Variants in EIF3G observed in about 807,000 individuals in gnomAD.
The protein encoded by EIF3G is eukaryotic translation initiation factor 3 subunit G.
In EIF3G, 10 loss-of-function variants were observed where a neutral mutation model predicts 41.7. That is an observed-to-expected ratio of 0.24 (90% CI 0.15 to 0.41). The LOEUF (loss-of-function observed/expected upper bound fraction) is 0.41. Ranked by LOEUF, EIF3G falls within the 10% of genes least tolerant of loss-of-function variation. EIF3G has a pLI of 1.00. For synonymous variants in EIF3G, 204 were observed against 172.5 expected, an observed-to-expected ratio of 1.18 and a Z score of -1.43; for missense variants, 297 against 444.0, an observed-to-expected ratio of 0.67 and a Z score of 2.98.
rs1314103619 is a variant in EIF3G, at chr19:10,118,825, C to T, written c.240+43G>A. On this transcript the variant is annotated intron_variant, in intron 4 of 10. Coordinates refer to ENST00000253108, the MANE Select transcript of EIF3G (RefSeq NM_003755.5). ...CCCACCCCATTCCGGTCTATGGGCCCCCAAGCACAAGGGTCCCCACTCCCT... is the reference window on the plus strand; with the variant it reads ...CCCACCCCATTCCGGTCTATGGGCCTCCAAGCACAAGGGTCCCCACTCCCT... 10 of 1,608,686 alleles carry T rather than the reference C, an allele frequency of 6.2e-6. No homozygotes were observed. In the African/African-American group the frequency reaches 1.3e-4, roughly 22 times the overall value.
Position 10,115,779 on chromosome 19 carries a change from C to G in EIF3G, c.745G>C (p.Asp249His). Residue 249 changes from aspartate (D) to histidine (H), a missense_variant, in exon 9 of 11, where the codon GAC (aspartate) becomes CAC (histidine). Around this residue, in one of 4 missense-constraint regions of EIF3G, gnomAD observed 91 missense variants for 170.5 expected, o/e 0.53. Coordinates refer to ENST00000253108, the MANE Select transcript of EIF3G (RefSeq NM_003755.5). ...TCCTGCAGGTCGGTCTCACGCGTGT[C>G]CTCTGACAAGTTGGTGACACGGATG... ...ATIRVTNLSE[D>H]TRETDLQELF... 1 of 1,614,028 alleles carries G rather than the reference C, an allele frequency of 6.2e-7. No individual in the cohort carries two copies. The highest frequency in any genetic ancestry group is 8.5e-7 in the Non-Finnish European group (1 of 1,180,040).
intron 2 of EIF3G, 54 bp from the exon 3 acceptor site, chr19:10,119,225 A>T (rs546753386): frequency 2.3e-4 from 355 of 1,533,700 alleles, no homozygotes; most frequent in Non-Finnish European, 2.9e-4. Context: ...GGAGCTCCCC[A>T]GCTGCGATGG....
At chr19:10,117,226 G>T (rs750321598) in intron 5 of EIF3G, 38 bp from the exon 6 acceptor site, 1 of 1,516,266 alleles carries the variant, frequency 6.6e-7, no homozygotes, top group Non-Finnish European at 9.0e-7. Context: ...TTGAGGGCAG[G>T]GGCAGGCTGG....
Position 10,115,678 on chromosome 19 carries a change from G to A in EIF3G, c.840+6C>T, listed in dbSNP as rs750397804. ...ACAGCCCCACCGTGCCTGCCTGCCT[G>A]CCCACCTTGGATTGGCCAGTGGTCT... On this transcript the variant is annotated splice_donor_region_variant and intron_variant, in intron 9 of 10. Transcript: ENST00000253108. 4.0e-5 allele frequency: 64 copies of A among 1,603,564 alleles called. 1 individual carries two copies. Among genetic ancestry groups the A allele is most frequent in the Non-Finnish European group, 4.7e-5 (55 of 1,173,558 alleles).
At chr19:10,118,621 C>A (rs11667630) in intron 5 of EIF3G, 47 bp downstream of exon 5, 696,246 of 1,604,274 alleles carry the variant, frequency 0.43, 153,785 homozygotes, top group Admixed American at 0.49. Flanking sequence ...TCCGGGAGCA[C>A]GGTTTTCCAA....
chr19:10,118,899 T>C lies in EIF3G; in HGVS notation c.209A>G (p.Tyr70Cys). 2 of 1,614,094 alleles carry C rather than the reference T, an allele frequency of 1.2e-6. No individual in the cohort carries two copies. The highest frequency in any genetic ancestry group is 8.5e-7 in the Non-Finnish European group (1 of 1,180,002). Reference sequence around the variant, plus strand: ...CTTCTTGCCATCCTCATCTATCTTGTACTCTGTCACTGTCTTTATGTTTCC... The same window carrying C: ...CTTCTTGCCATCCTCATCTATCTTGCACTCTGTCACTGTCTTTATGTTTCC... ...INGNIKTVTE[Y>C]KIDEDGKKFK... Residue 70 changes from tyrosine to cysteine, a missense_variant, in exon 4 of 11, where the codon TAC becomes TGC. Physicochemically the swap from Tyr to Cys is radical, Grantham distance 194 (BLOSUM62 -2). This residue lies in a region of EIF3G where 147 missense variants were observed against 162.4 expected (regional missense o/e 0.91). Coordinates refer to ENST00000253108, the MANE Select transcript of EIF3G (RefSeq NM_003755.5).
At chr19:10,115,222 G>A (rs2089220164) in intron 10 of EIF3G, 93 bp from the exon 11 acceptor site, 4 of 1,513,400 alleles carry the variant, frequency 2.6e-6, no homozygotes, top group African/African-American at 1.4e-5. Context: ...GTGGGCAGAG[G>A]ACGGGGTAAT....
chr19:10,118,948 G>T lies in EIF3G; in HGVS notation c.160C>A (p.Pro54Thr). The T allele has an allele frequency of 1.9e-6, 3 of 1,614,146 alleles. No homozygotes were observed. The highest frequency in any genetic ancestry group is 2.5e-6 in the Non-Finnish European group (3 of 1,180,024). Residue 54 changes from proline (P) to threonine (T), a missense_variant, in exon 4 of 11, where the codon CCG (proline) becomes ACG (threonine). Pro to Thr is a conservative substitution (Grantham distance 38). Coordinates refer to ENST00000253108, the MANE Select transcript of EIF3G (RefSeq NM_003755.5). ...EPELLPGAPL[P>T]PPKEVINGNI... ...CCGTTGATGACCTCCTTGGGAGGCG[G>T]CAGTGGAGCTGGCAGAAGGGGAAAA...
At position 10,116,969 on chromosome 19, in the gene EIF3G, C is replaced by T; in HGVS notation, c.426G>A (p.Glu142=). 3.1e-6 allele frequency: 5 copies of T among 1,611,648 alleles called. No individual in the cohort carries two copies. The highest frequency in any genetic ancestry group is 4.2e-6 in the Non-Finnish European group (5 of 1,178,402). ...CCTTGAGTTTGTTCATAGGGTCCTCCTCCTCCTGGCAGTTCAGGTCCTGGC... is the reference window on the plus strand; with the variant it reads ...CCTTGAGTTTGTTCATAGGGTCCTCTTCCTCCTGGCAGTTCAGGTCCTGGC... ...TSKEDLNCQE[E]EDPMNKLKGQ... is the part of the protein sequence containing the mutation. The change falls in exon 7 of 11, where the codon GAG becomes GAA. Residue 142 remains glutamate (E), a synonymous_variant. Transcript: ENST00000253108. The surrounding 1 kb of genome is among the most constrained non-coding windows in gnomAD (Gnocchi z 4.1).
chr19:10,118,931 G>C lies in EIF3G; in HGVS notation c.177C>G (p.Val59=). 6.2e-7 allele frequency: 1 copy of C among 1,613,800 alleles called. No homozygotes were observed. The highest frequency in any genetic ancestry group is 8.5e-7 in the Non-Finnish European group (1 of 1,179,984). The change falls in exon 4 of 11, where the codon GTC becomes GTG. Residue 59 remains valine (V), a synonymous_variant. Coordinates refer to ENST00000253108, the MANE Select transcript of EIF3G (RefSeq NM_003755.5). ...PGAPLPPPKE[V]INGNIKTVTE... is the part of the protein sequence containing the mutation. The stretch of plus-strand genomic sequence containing the variant: ...TCACTGTCTTTATGTTTCCGTTGAT[G>C]ACCTCCTTGGGAGGCGGCAGTGGAG...
At chr19:10,118,227 G>A (rs532078387) in intron 5 of EIF3G, 1 of 177,422 alleles carries the variant, frequency 5.6e-6, no homozygotes. Context: ...CCAAGACAGT[G>A]CAAGCACCCC....
At chr19:10,119,062 CT>C in intron 3 of EIF3G, 25 bp downstream of exon 3, 3 of 524,468 alleles carry the variant, frequency 5.7e-6, no homozygotes, top group East Asian at 5.5e-5. Context: ...GCAGTCCTCA[CT>C]CACCTCCCGG....
In EIF3G at chr19:10,116,153, T is replaced by C. The variant is rs1024343814; in HGVS notation, c.596-79A>G. 3.5e-6 allele frequency: 5 copies of C among 1,434,750 alleles called. No individual in the cohort carries two copies. Among genetic ancestry groups the C allele is most frequent in the Non-Finnish European group, 4.8e-6 (5 of 1,046,602 alleles). 88.9% of individuals were successfully genotyped at this position (1,434,750 alleles called of 1,614,324 possible). On this transcript the variant is annotated intron_variant, in intron 7 of 10. Transcript: ENST00000253108. This position sits in a 1 kb window ranked among gnomAD's most constrained non-coding sequence, Gnocchi z 4.1. ...CAGAGCCGCCCCAGGAAGCTCGGGC[T>C]TCAGTGTTGAGCCAGCGCAGGCACT... is the stretch of plus-strand genomic sequence containing the variant.
intron 5 of EIF3G, among the ~76,000 whole-genome samples, chr19:10,117,905 T>C (rs933714635): frequency 6.6e-5 from 10 of 151,628 alleles, no homozygotes; most frequent in Admixed American, 1.3e-4. Context: ...CAATTAAAAT[T>C]AGCCGGTGTG....
At chr19:10,117,795 C>T (rs2089272380) in intron 5 of EIF3G, among the ~76,000 whole-genome samples, 1 of 152,254 alleles carries the variant, frequency 6.6e-6, no homozygotes, top group African/African-American at 2.4e-5. Flanking sequence ...GTGGCTCCCT[C>T]CTGTAATCCC....
In EIF3G at chr19:10,116,595, A is replaced by G; in HGVS notation, c.595+205T>C. The G allele has an allele frequency of 3.5e-6, 2 of 564,432 alleles. No homozygotes were observed. Among genetic ancestry groups the G allele is most frequent in the Non-Finnish European group, 6.2e-6 (2 of 321,876 alleles). The allele number at this position is 564,432 out of a possible 1,614,324, so 35.0% of individuals were successfully genotyped here. ...TCAGGACAGTCACAGGGCCACCAGC[A>G]AAGTCACAGCTGCCAAGTCGCACAT... On this transcript the variant is annotated intron_variant, in intron 7 of 10. Transcript: ENST00000253108. The surrounding 1 kb of genome is among the most constrained non-coding windows in gnomAD (Gnocchi z 4.1).
At chr19:10,115,336 T>G (rs1332814328) in intron 10 of EIF3G, 143 bp downstream of exon 10, 1 of 1,172,620 alleles carries the variant, frequency 8.5e-7, no homozygotes, top group Non-Finnish European at 1.2e-6. Context: ...TGCCCGGTTT[T>G]GGAAAAAAAC....
In EIF3G at chr19:10,117,149, CG is replaced by C; in HGVS notation, c.339del (p.Gly114AspfsTer15). The C allele has an allele frequency of 1.2e-6, 2 of 1,612,732 alleles. No individual in the cohort carries two copies. Among genetic ancestry groups the C allele is most frequent in the Middle Eastern group, 1.7e-4 (1 of 6,054 alleles). On this transcript the variant is annotated frameshift_variant, in exon 6 of 11. Transcript: ENST00000253108. LOFTEE classifies it high-confidence loss of function. Reference protein sequence around the residue: ...KKFGNSEFDPPGPNVATTTVS... With the variant: ...KKFGNSEFDPXGPNVATTTVS... ...ACAGTGGTGGTGGCCACATTGGGTC[CG>C]GGGGGGTCAAACTCTGAGTTCCCGA...
At position 10,118,535 on chromosome 19, in the gene EIF3G, A is replaced by G. The variant is rs761235453; in HGVS notation, c.300+133T>C. 1.2e-5 allele frequency: 12 copies of G among 1,016,558 alleles called. No individual in the cohort carries two copies. In the South Asian group the frequency reaches 1.5e-4, roughly 12 times the overall value. The allele number at this position is 1,016,558 out of a possible 1,614,324, so 63.0% of individuals were successfully genotyped here. On this transcript the variant is annotated intron_variant, in intron 5 of 10. Coordinates refer to ENST00000253108, the MANE Select transcript of EIF3G (RefSeq NM_003755.5). Reference sequence around the variant, plus strand: ...AGTCGAGATCGTGCCACTGCACTTCAGCCTGGGGGACAGAGCAACACTCTG... The same window carrying G: ...AGTCGAGATCGTGCCACTGCACTTCGGCCTGGGGGACAGAGCAACACTCTG...
Sources: allele counts gnomAD v4.1 joint callset (sites outside exome capture counted in the v4.1 genomes callset), GRCh38; gene constraint gnomAD v4.1.1; regional missense constraint gnomAD v4.1.1; non-coding constraint Gnocchi (gnomAD v3.1); transcripts MANE v1.5; gene names NCBI Gene and HGNC (gene_info 2026-07-23, HGNC 2026-07-21).